MARCHF10: variants seen among roughly 807,000 people sequenced by gnomAD.
MARCHF10 encodes the protein probable E3 ubiquitin-protein ligase MARCHF10.
In MARCHF10, 64 loss-of-function variants were observed where a neutral mutation model predicts 76.2. The observed-to-expected ratio is 0.84, with a 90% CI of 0.69 to 1.03. The LOEUF (loss-of-function observed/expected upper bound fraction) is 1.03. Ranked by LOEUF, MARCHF10 falls within the 50% of genes least tolerant of loss-of-function variation. The pLI, the probability that MARCHF10 is intolerant of heterozygous loss-of-function variation, is 0.00. For synonymous variants in MARCHF10, 340 were observed against 357.5 expected, an observed-to-expected ratio of 0.95 and a Z score of 0.55; for missense variants, 875 against 958.0, an observed-to-expected ratio of 0.91 and a Z score of 1.14.
intron 4 of MARCHF10, chr17:62,750,278 G>T: frequency 6.5e-6 from 1 of 154,068 alleles, no homozygotes. Context: ...AGTGGGGCAG[G>T]AGATGGGGAA....
chr17:62,746,010 G>A (rs1331882142), intron 4 of MARCHF10, among the ~76,000 whole-genome samples: 1 of 152,212 alleles, frequency 6.6e-6, no homozygotes, highest in Non-Finnish European at 1.5e-5. Context: ...GAAAGCCCCC[G>A]ACTTGTGTGT....
chr17:62,707,845 G>A (rs868081438), intron 9 of MARCHF10, among the ~76,000 whole-genome samples: 7 of 152,150 alleles, frequency 4.6e-5, no homozygotes, highest in South Asian at 2.1e-4. Context: ...TAGTAGGTTC[G>A]CAGAAAATCT....
At chr17:62,705,430 T>C (rs1193199606) in intron 10 of MARCHF10, 109 bp downstream of exon 10, 1 of 1,599,820 alleles carries the variant, frequency 6.3e-7, no homozygotes, top group African/African-American at 1.3e-5. Flanking sequence ...TTTTTGCCTC[T>C]GGGTGGTGGT....
intron 6 of MARCHF10, chr17:62,735,623 A>G (rs1568130132): frequency 3.3e-6 from 1 of 306,206 alleles, no homozygotes; most frequent in East Asian, 7.7e-5. Context: ...TCATTGCTGG[A>G]GAGAAGAACA....
intron 1 of MARCHF10, among the ~76,000 whole-genome samples, chr17:62,807,234 T>C (rs1007790865): frequency 3.9e-5 from 6 of 152,172 alleles, no homozygotes; most frequent in Non-Finnish European, 7.3e-5. Flanking sequence ...AAACATGTCT[T>C]GAGTATAAGC....
At chr17:62,744,154 G>A (rs114597783) in intron 5 of MARCHF10, among the ~76,000 whole-genome samples, 78 of 151,744 alleles carry the variant, frequency 5.1e-4, no homozygotes, top group African/African-American at 1.8e-3. Context: ...TATCCCCCCC[G>A]ACCCCGCCTT....
intron 4 of MARCHF10, among the ~76,000 whole-genome samples, chr17:62,756,523 CT>C (rs1323945319): frequency 7.2e-5 from 11 of 152,176 alleles, no homozygotes; most frequent in Non-Finnish European, 4.4e-5. Context: ...GGAGGACAAC[CT>C]TAAGACAAAG....
intron 3 of MARCHF10, among the ~76,000 whole-genome samples, chr17:62,763,414 T>C (rs1187937376): frequency 6.6e-6 from 1 of 152,230 alleles, no homozygotes; most frequent in Non-Finnish European, 1.5e-5. Context: ...AGTTGAAATT[T>C]ATCTAGTTTT....
intron 2 of MARCHF10, among the ~76,000 whole-genome samples, chr17:62,801,445 G>T (rs1458899802): frequency 6.7e-6 from 1 of 150,054 alleles, no homozygotes; most frequent in African/African-American, 2.5e-5. Flanking sequence ...GAGCCACCGT[G>T]CCCAGCTATC....
intron 3 of MARCHF10, chr17:62,780,886 G>A (rs2092646185): frequency 6.6e-6 from 1 of 152,088 alleles, no homozygotes; most frequent in Admixed American, 6.5e-5. Flanking sequence ...CATCTTCTAT[G>A]GGGAAATCGG....
At chr17:62,779,662 G>C (rs1034448917) in intron 3 of MARCHF10, among the ~76,000 whole-genome samples, 2 of 152,224 alleles carry the variant, frequency 1.3e-5, no homozygotes, top group African/African-American at 4.8e-5. Context: ...GGATTATGCA[G>C]GGCTGGATTC....
intron 1 of MARCHF10, among the ~76,000 whole-genome samples, chr17:62,804,019 C>T (rs908841341): frequency 6.6e-5 from 10 of 152,094 alleles, no homozygotes; most frequent in East Asian, 1.9e-4. Flanking sequence ...GATGTGAACC[C>T]GGAGACTCGC....
At chr17:62,702,215 A>G (rs2089284197) in intron 10 of MARCHF10, among the ~76,000 whole-genome samples, 1 of 152,052 alleles carries the variant, frequency 6.6e-6, no homozygotes, top group African/African-American at 2.4e-5. Context: ...GAGGGAGAGC[A>G]AGAGGCACTG....
At chr17:62,793,663 A>AACC (rs2092927667) in intron 2 of MARCHF10, among the ~76,000 whole-genome samples, 1 of 80,954 alleles carries the variant, frequency 1.2e-5, no homozygotes, top group Non-Finnish European at 2.5e-5. Context: ...CACCTCCATC[A>AACC]ACCACCACCA....
chr17:62,726,725 T>G (rs541634323), intron 6 of MARCHF10, among the ~76,000 whole-genome samples: 32 of 152,144 alleles, frequency 2.1e-4, no homozygotes, highest in Non-Finnish European at 4.3e-4. Flanking sequence ...CTCTGCCGGA[T>G]TCAAGCGATT....
intron 3 of MARCHF10, among the ~76,000 whole-genome samples, chr17:62,780,777 T>G (rs545047429): frequency 1.3e-5 from 2 of 152,284 alleles, no homozygotes; most frequent in Non-Finnish European, 2.9e-5. Context: ...TCCTTTCCAG[T>G]GAGGATACAG....
At chr17:62,802,992 C>T (rs74685529) in intron 1 of MARCHF10, among the ~76,000 whole-genome samples, 2,665 of 152,200 alleles carry the variant, frequency 0.018, 30 homozygotes, top group East Asian at 0.051. Flanking sequence ...GATCTTGCTC[C>T]GCCATCCAGG....
At chr17:62,737,599 G>T in intron 5 of MARCHF10, 1 of 458,162 alleles carries the variant, frequency 2.2e-6, no homozygotes, top group Middle Eastern at 6.0e-4. Context: ...GCTCCCGGAA[G>T]ACTGGCCCAG....
intron 10 of MARCHF10, 169 bp downstream of exon 10, chr17:62,705,370 G>C: frequency 6.6e-7 from 1 of 1,524,066 alleles, no homozygotes; most frequent in Non-Finnish European, 8.8e-7. Context: ...ACTTGGCCTC[G>C]CCTTCCTGAT....
Sources: gnomAD v4.1 joint callset for allele counts (sites outside exome capture counted in the v4.1 genomes callset) on GRCh38, gnomAD v4.1.1 for gene constraint, MANE v1.5 for transcripts, NCBI Gene and HGNC (gene_info 2026-07-23, HGNC 2026-07-21) for gene names.